Variants in CLEC2A observed in about 807,000 individuals in gnomAD.
CLEC2A encodes the protein C-type lectin domain family 2 member A, also known as keratinocyte-associated C-type lectin.
CLEC2A carries 19 observed loss-of-function variants against 18.6 expected under a neutral mutation model. The observed-to-expected ratio is 1.02, with a 90% CI of 0.71 to 1.50. The LOEUF (loss-of-function observed/expected upper bound fraction) is 1.50, where lower values mean the gene tolerates loss of function less well. CLEC2A is among the 40% of genes most tolerant of loss of function. The probability of loss-of-function intolerance (pLI) is 0.00; values close to 1 mark genes in which losing one functional copy is unlikely to be tolerated. For synonymous variants in CLEC2A, 74 were observed against 64.0 expected, an observed-to-expected ratio of 1.16 and a Z score of -0.75; for missense variants, 190 against 207.9, an observed-to-expected ratio of 0.91 and a Z score of 0.53.
chr12:9,883,394 G>A, the CLEC2A span, among the ~76,000 whole-genome samples: 18 of 152,158 alleles, frequency 1.2e-4, no homozygotes, highest in African/African-American at 3.9e-4. Context: ...TGCTAGGATA[G>A]GCCAGCATAC....
intron 4 of CLEC2A, among the ~76,000 whole-genome samples, chr12:9,906,933 C>G (rs1270798384): frequency 6.6e-6 from 1 of 152,194 alleles, no homozygotes; most frequent in African/African-American, 2.4e-5. Context: ...TCATTTCTTT[C>G]TATTAGAATA....
At chr12:9,930,449 T>C (rs1372285810) in intron 1 of CLEC2A, among the ~76,000 whole-genome samples, 2 of 152,158 alleles carry the variant, frequency 1.3e-5, no homozygotes, top group African/African-American at 4.8e-5. Flanking sequence ...ATATTTTCTT[T>C]ATTGTATCGT....
intron 4 of CLEC2A, among the ~76,000 whole-genome samples, chr12:9,903,002 G>A (rs1483381665): frequency 6.6e-6 from 1 of 152,188 alleles, no homozygotes; most frequent in Non-Finnish European, 1.5e-5. Flanking sequence ...GGAAAGGAAT[G>A]TAGAGTGAGG....
At chr12:9,888,765 G>A in the CLEC2A span, 1,149,235 of 1,495,824 alleles carry the variant, frequency 0.77, 443,290 homozygotes, top group South Asian at 0.8. Context: ...GAATGTAAAC[G>A]TCAGCAGTCT....
At chr12:9,883,796 T>C in the CLEC2A span, among the ~76,000 whole-genome samples, 2 of 152,218 alleles carry the variant, frequency 1.3e-5, no homozygotes, top group Non-Finnish European at 2.9e-5. Flanking sequence ...GTATATACTA[T>C]AGATCTAATC....
the CLEC2A span, chr12:9,884,948 C>A: frequency 2.4e-6 from 3 of 1,240,020 alleles, no homozygotes; most frequent in Non-Finnish European, 3.2e-6. Flanking sequence ...CTCCCTATAT[C>A]CACAATATTA....
the CLEC2A span, among the ~76,000 whole-genome samples, chr12:9,888,286 C>A: frequency 1.3e-5 from 2 of 151,422 alleles, no homozygotes; most frequent in African/African-American, 2.4e-5. Flanking sequence ...GTCAGGAGAT[C>A]GAGACCATCC....
downstream of CLEC2A, among the ~76,000 whole-genome samples, chr12:9,913,022 A>G (rs1181726736): frequency 6.6e-6 from 1 of 152,222 alleles, no homozygotes; most frequent in Non-Finnish European, 1.5e-5. Flanking sequence ...CAACCTTTGA[A>G]TGCCCTATAG....
At chr12:9,916,459 A>G (rs12821866) in intron 4 of CLEC2A, among the ~76,000 whole-genome samples, 3,068 of 152,290 alleles carry the variant, frequency 0.02, 40 homozygotes, top group Non-Finnish European at 0.032. Flanking sequence ...TAAAGATAAA[A>G]TAACAAATAA....
the CLEC2A span, chr12:9,888,821 A>G: frequency 7.7e-7 from 1 of 1,300,118 alleles, no homozygotes; most frequent in Non-Finnish European, 1.1e-6. Flanking sequence ...TCTTAGGGGT[A>G]AATTTAGTTT....
chr12:9,922,277 A>T, intron 2 of CLEC2A, 45 bp from the exon 3 acceptor site: 1 of 1,455,868 alleles, frequency 6.9e-7, no homozygotes. Context: ...ATATGTTAAA[A>T]AGTGTTTCTA....
At chr12:9,899,361 A>C (rs1220638814) in intron 4 of CLEC2A, among the ~76,000 whole-genome samples, 1 of 152,200 alleles carries the variant, frequency 6.6e-6, no homozygotes, top group African/African-American at 2.4e-5. Flanking sequence ...TGGAGACACA[A>C]TTACCTGACT....
chr12:9,912,588 C>T (rs1361431391), downstream of CLEC2A, among the ~76,000 whole-genome samples: 1 of 151,862 alleles, frequency 6.6e-6, no homozygotes, highest in Non-Finnish European at 1.5e-5. Flanking sequence ...GTGTTCTTGT[C>T]CTGCCCATGT....
rs779321490 is a variant in CLEC2A, at chr12:9,916,720, A to G, written c.390T>C (p.Asn130=). ...CTCACCAACCATTGAATGTGGTGCCATTTGTCCATTTCCAAGAATCTCCTT... is the reference window on the plus strand; with the variant it reads ...CTCACCAACCATTGAATGTGGTGCCGTTTGTCCATTTCCAAGAATCTCCTT... ...RKQGDSWKWT[N]GTTFNGWFEI... The change falls in exon 4 of 5, where the codon AAT becomes AAC. Residue 130 remains asparagine (N), a synonymous_variant. Transcript: ENST00000455827. 2.8e-5 allele frequency: 43 copies of G among 1,548,774 alleles called. No homozygotes were observed. The highest frequency in any genetic ancestry group is 3.9e-5 in the Admixed American group (2 of 51,002).
At chr12:9,878,204 C>T in the CLEC2A span, among the ~76,000 whole-genome samples, 9 of 152,150 alleles carry the variant, frequency 5.9e-5, no homozygotes, top group East Asian at 1.9e-4. Context: ...GAAGTTGTAA[C>T]GTTTCTGGAG....
At chr12:9,881,483 C>T in the CLEC2A span, 3 of 738,646 alleles carry the variant, frequency 4.1e-6, no homozygotes, top group African/African-American at 1.8e-5. Flanking sequence ...TTTTGGCCTT[C>T]CTTTTAGTTT....
At chr12:9,883,232 C>A in the CLEC2A span, among the ~76,000 whole-genome samples, 3 of 152,176 alleles carry the variant, frequency 2.0e-5, no homozygotes, top group East Asian at 5.8e-4. Flanking sequence ...TATAATTAAT[C>A]TTGATCCTAA....
chr12:9,888,099 A>G, the CLEC2A span, among the ~76,000 whole-genome samples: 2 of 151,422 alleles, frequency 1.3e-5, no homozygotes, highest in Admixed American at 6.6e-5. Context: ...TAAAAATGAA[A>G]AAAAAAAAGA....
At chr12:9,918,836 C>T (rs1863116210) in intron 3 of CLEC2A, among the ~76,000 whole-genome samples, 1 of 152,224 alleles carries the variant, frequency 6.6e-6, no homozygotes, top group Non-Finnish European at 1.5e-5. Flanking sequence ...GTCAATTTAA[C>T]TGCAGTGTAT....
Sources: gnomAD v4.1 joint callset for allele counts (sites outside exome capture counted in the v4.1 genomes callset) on GRCh38, gnomAD v4.1.1 for gene constraint, MANE v1.5 for transcripts, NCBI Gene and HGNC (gene_info 2026-07-23, HGNC 2026-07-21) for gene names.